The following ZFHX4 variants were observed in gnomAD, a reference collection of about 807,000 sequenced individuals.
ZFHX4 encodes the protein zinc finger homeobox 4.
In ZFHX4, 56 loss-of-function variants were observed where a neutral mutation model predicts 267.6. That is an observed-to-expected ratio of 0.21 (90% CI 0.17 to 0.26). ZFHX4 has a LOEUF of 0.26. Among genes scored for constraint, ZFHX4 ranks in the 10% least tolerant of loss-of-function variants. The pLI, the probability that ZFHX4 is intolerant of heterozygous loss-of-function variation, is 1.00. For synonymous variants in ZFHX4, 1,778 were observed against 1,665.6 expected (o/e 1.07, Z -1.64); for missense variants, 4,332 against 4,420.0 (o/e 0.98, Z 0.56).
chr8:76,734,837 C>T (rs1235903653), intron 3 of ZFHX4, among the ~76,000 whole-genome samples: 1 of 152,150 alleles, frequency 6.6e-6, no homozygotes, highest in Non-Finnish European at 1.5e-5. Flanking sequence ...ATATTTTAGT[C>T]TTCAGTGCAC....
Position 76,851,919 on chromosome 8 carries a change from T to C in ZFHX4, c.4998T>C (p.Asp1666=). Residue 1666 remains aspartate (D), a synonymous_variant, in exon 10 of 11, where the codon GAT becomes GAC. Transcript: ENST00000651372. ...TAAACAGCAAAGATACCCATTTAGATGCCAAAGAATTAAATAAAAAGCAAA... is the reference window on the plus strand; with the variant it reads ...TAAACAGCAAAGATACCCATTTAGACGCCAAAGAATTAAATAAAAAGCAAA... ...AAVNSKDTHL[D]AKELNKKQTP... 6.2e-7 allele frequency: 1 copy of C among 1,613,972 alleles called. No individual in the cohort carries two copies. The highest frequency in any genetic ancestry group is 8.5e-7 in the Non-Finnish European group (1 of 1,179,870).
chr8:76,797,215 C>T (rs1215696074), intron 4 of ZFHX4, among the ~76,000 whole-genome samples: 1 of 152,178 alleles, frequency 6.6e-6, no homozygotes, highest in Non-Finnish European at 1.5e-5. Context: ...AAAAAACTCA[C>T]TCTGTTGGCA....
Position 76,778,405 on chromosome 8 carries a change from C to T in ZFHX4, c.3291C>T (p.Ile1097=), listed in dbSNP as rs375999260. Residue 1097 remains isoleucine, a synonymous_variant, in exon 4 of 11, where the codon ATC becomes ATT. Coordinates refer to ENST00000651372, the MANE Select transcript of ZFHX4 (RefSeq NM_024721.5). ...CAGAGGAGGACAACCTCAGTGAGAT[C>T]TTTTTTGTTAAAGATTGCCCACCAA... ...LAPEEDNLSE[I]FFVKDCPPNE... 1.8e-4 allele frequency: 294 copies of T among 1,613,674 alleles called. No individual in the cohort carries two copies. The highest frequency in any genetic ancestry group is 2.3e-4 in the Non-Finnish European group (272 of 1,179,826).
intron 1 of ZFHX4, among the ~76,000 whole-genome samples, chr8:76,688,753 T>C (rs1302541522): frequency 6.6e-6 from 1 of 152,138 alleles, no homozygotes; most frequent in Non-Finnish European, 1.5e-5. Context: ...TATGTATACA[T>C]TTTAAACAAG....
intron 4 of ZFHX4, among the ~76,000 whole-genome samples, chr8:76,823,618 A>G (rs1289088577): frequency 2.0e-5 from 3 of 152,208 alleles, no homozygotes; most frequent in East Asian, 1.9e-4. Context: ...TTTGGTGTAT[A>G]TAACTACATA....
intron 1 of ZFHX4, among the ~76,000 whole-genome samples, chr8:76,690,866 A>G (rs539443202): frequency 1.3e-5 from 2 of 152,068 alleles, no homozygotes; most frequent in Non-Finnish European, 2.9e-5. Flanking sequence ...GAATTGGCCA[A>G]TATAATCTCA....
Position 76,708,018 on chromosome 8 carries a change from C to T in ZFHX4, c.3063C>T (p.His1021=), listed in dbSNP as rs1351664876. The T allele has an allele frequency of 2.5e-6, 4 of 1,613,828 alleles. No individual in the cohort carries two copies. The East Asian group carries it at 6.7e-5, about 27-fold the overall frequency. Reference sequence around the variant, plus strand: ...AATTACGCTTGCATACCACCAATCACAGGCACGAGGCGGCCCTGAAGCTCT... The same window carrying T: ...AATTACGCTTGCATACCACCAATCATAGGCACGAGGCGGCCCTGAAGCTCT... ...VDKLRLHTTN[H]RHEAALKLYK... Residue 1021 remains histidine, a synonymous_variant, in exon 3 of 11, where the codon CAC becomes CAT. Coordinates refer to ENST00000651372, the MANE Select transcript of ZFHX4 (RefSeq NM_024721.5).
chr8:76,831,010 C>A (rs2131886632), intron 4 of ZFHX4, among the ~76,000 whole-genome samples: 1 of 152,192 alleles, frequency 6.6e-6, no homozygotes, highest in South Asian at 2.1e-4. Context: ...GGGTTTCATT[C>A]CAGGCCATTG....
rs1348362271 is a variant in ZFHX4 at position 76,705,779 on chromosome 8, C to T, written c.1691C>T (p.Ala564Val). ...GGCAAGGACTTTGCAGACGCAAGTG[C>T]CAGTAAAGACAGTGCCACAGCTGCT... ...ISGKDFADASASKDSATAAHP... is the reference protein window; with the variant it reads ...ISGKDFADASVSKDSATAAHP... The change falls in exon 2 of 11, where the codon GCC becomes GTC. Residue 564 changes from alanine (A) to valine (V), a missense_variant. Around this residue, in one of 7 missense-constraint regions of ZFHX4, gnomAD observed 1,195 missense variants for 1,173.6 expected, o/e 1.02. Coordinates refer to ENST00000651372, the MANE Select transcript of ZFHX4 (RefSeq NM_024721.5). 1 of 1,613,922 alleles carries T rather than the reference C, an allele frequency of 6.2e-7. No homozygotes were observed. Among genetic ancestry groups the T allele is most frequent in the Admixed American group, 1.7e-5 (1 of 60,018 alleles).
At position 76,854,412 on chromosome 8, in the gene ZFHX4, G is replaced by C; in HGVS notation, c.7491G>C (p.Gln2497His). 1 of 1,613,954 alleles carries C rather than the reference G, an allele frequency of 6.2e-7. No individual in the cohort carries two copies. Among genetic ancestry groups the C allele is most frequent in the Non-Finnish European group, 8.5e-7 (1 of 1,179,878 alleles). Residue 2497 changes from glutamine to histidine, a missense_variant, in exon 10 of 11, where the codon CAG (glutamine) becomes CAC (histidine). Transcript: ENST00000651372. ...AGTTACTACAATACCAATGTGATCA[G>C]TGTACAGTTGCCTTCCCAACTCTGG... ...PPQLLQYQCDQCTVAFPTLEL... is the reference protein window; with the variant it reads ...PPQLLQYQCDHCTVAFPTLEL...
In ZFHX4 at chr8:76,705,803, C is replaced by T. The variant is rs1220378800; in HGVS notation, c.1715C>T (p.Ala572Val). 4 of 1,613,828 alleles carry T rather than the reference C, an allele frequency of 2.5e-6. No homozygotes were observed. In the East Asian group the frequency reaches 8.9e-5, roughly 36 times the overall value. The stretch of plus-strand genomic sequence containing the variant: ...GCCAGTAAAGACAGTGCCACAGCTG[C>T]TCATCCAAGTGAAATAGCCCGGGGA... ...ASASKDSATA[A>V]HPSEIARGDE... Residue 572 changes from alanine to valine, a missense_variant, in exon 2 of 11, where the codon GCT (alanine) becomes GTT (valine). Around this residue, in one of 7 missense-constraint regions of ZFHX4, gnomAD observed 1,195 missense variants for 1,173.6 expected, o/e 1.02. Transcript: ENST00000651372.
chr8:76,734,161 T>C (rs1451642645), intron 3 of ZFHX4, among the ~76,000 whole-genome samples: 1 of 152,176 alleles, frequency 6.6e-6, no homozygotes, highest in Admixed American at 6.6e-5. Context: ...TTAGAACATA[T>C]TTATAAAACA....
chr8:76,849,640 A>G lies in ZFHX4; in HGVS notation c.3774A>G (p.Lys1258=). ...CPLCQDVLSN[K]MHLQLHLTHL... Reference sequence around the variant, plus strand: ...TCTGTCAGGACGTCCTCAGCAACAAAATGCATCTCCAACTGCATCTGACGC... The same window carrying G: ...TCTGTCAGGACGTCCTCAGCAACAAGATGCATCTCCAACTGCATCTGACGC... The change falls in exon 8 of 11, where the codon AAA becomes AAG. Residue 1258 remains lysine, a synonymous_variant. Transcript: ENST00000651372. The G allele has an allele frequency of 2.5e-6, 4 of 1,613,898 alleles. No individual in the cohort carries two copies. The highest frequency in any genetic ancestry group is 3.4e-6 in the Non-Finnish European group (4 of 1,179,848).
intron 4 of ZFHX4, among the ~76,000 whole-genome samples, chr8:76,798,601 T>A (rs1225484782): frequency 6.6e-6 from 1 of 152,228 alleles, no homozygotes; most frequent in Non-Finnish European, 1.5e-5. Context: ...TGAAATTCAT[T>A]GCTCATGGCA....
chr8:76,800,374 T>C (rs1456918361), intron 4 of ZFHX4, among the ~76,000 whole-genome samples: 1 of 152,160 alleles, frequency 6.6e-6, no homozygotes, highest in African/African-American at 2.4e-5. Context: ...TGGGATGTTA[T>C]CAAGTAATTA....
At chr8:76,849,769 A>G in intron 8 of ZFHX4, 57 bp downstream of exon 8, 1 of 1,489,496 alleles carries the variant, frequency 6.7e-7, no homozygotes, top group Non-Finnish European at 9.3e-7. Context: ...GAATATCAAT[A>G]TAAAATCTGT....
intron 4 of ZFHX4, among the ~76,000 whole-genome samples, chr8:76,812,882 CTAGAT>C (rs1471841957): frequency 6.6e-6 from 1 of 151,986 alleles, no homozygotes; most frequent in Non-Finnish European, 1.5e-5. Context: ...TGGCATTCAA[CTAGAT>C]TAATTTTCTC....
At chr8:76,843,909 A>G (rs954773878) in intron 6 of ZFHX4, among the ~76,000 whole-genome samples, 6 of 152,122 alleles carry the variant, frequency 3.9e-5, no homozygotes, top group Admixed American at 3.3e-4. Flanking sequence ...CCCTCCCCAC[A>G]CTGTTCAGTA....
intron 3 of ZFHX4, among the ~76,000 whole-genome samples, chr8:76,763,167 T>C (rs1434545129): frequency 6.6e-6 from 1 of 152,256 alleles, no homozygotes; most frequent in Non-Finnish European, 1.5e-5. Context: ...GCTTTGCTAC[T>C]TTTAATATAG....
Sources: gnomAD v4.1 joint callset for allele counts (sites outside exome capture counted in the v4.1 genomes callset) on GRCh38, gnomAD v4.1.1 for gene constraint, gnomAD v4.1.1 regional missense constraint, MANE v1.5 for transcripts, NCBI Gene and HGNC (gene_info 2026-07-23, HGNC 2026-07-21) for gene names.